The following CCDC171 variants were observed in gnomAD, a reference collection of about 807,000 sequenced individuals.
CCDC171 encodes the protein coiled-coil domain-containing protein 171.
Under a neutral mutation model 168.2 loss-of-function variants are expected in CCDC171, and 177 were observed. The ratio of observed to expected loss-of-function variants is 1.05; its 90% CI spans 0.93 to 1.19. CCDC171 has a LOEUF of 1.19. CCDC171 is among the 50% of genes most tolerant of loss of function. The probability of loss-of-function intolerance (pLI) is 0.00; values close to 1 mark genes in which losing one functional copy is unlikely to be tolerated. For missense variants in CCDC171, 1,991 were observed against 1,539.0 expected (o/e 1.29, Z -4.91); for synonymous variants, 687 against 540.8 (o/e 1.27, Z -3.75).
chr9:16,042,952 A>T (rs1833596661), intron 1 of CCDC171: 1 of 152,160 alleles, frequency 6.6e-6, no homozygotes, highest in South Asian at 2.1e-4. Context: ...ATCAAGGATC[A>T]TTTGAGATGA....
At chr9:15,627,787 A>G (rs1048191356) in intron 7 of CCDC171, among the ~76,000 whole-genome samples, 3 of 152,178 alleles carry the variant, frequency 2.0e-5, no homozygotes, top group Non-Finnish European at 4.4e-5. Flanking sequence ...AGAAGAATGT[A>G]TATTCTGTTG....
At chr9:15,975,886 G>C (rs193288007), downstream of CCDC171, among the ~76,000 whole-genome samples, 6 of 152,294 alleles carry the variant, frequency 3.9e-5, no homozygotes, top group East Asian at 1.9e-4. Flanking sequence ...AGGATCTTGA[G>C]ATCAGGAGAT....
chr9:15,732,634 T>A (rs1201600687), intron 16 of CCDC171, among the ~76,000 whole-genome samples: 1 of 152,176 alleles, frequency 6.6e-6, no homozygotes, highest in Middle Eastern at 3.2e-3. Flanking sequence ...AGTTAATTCC[T>A]TTTTACTGCT....
At chr9:16,074,018 G>T in the CCDC171 span, among the ~76,000 whole-genome samples, 2 of 152,102 alleles carry the variant, frequency 1.3e-5, no homozygotes, top group African/African-American at 4.8e-5. Flanking sequence ...AGTGCAAACT[G>T]CTTATCTTTT....
At chr9:15,759,397 A>G (rs1244452584) in intron 18 of CCDC171, among the ~76,000 whole-genome samples, 2 of 152,184 alleles carry the variant, frequency 1.3e-5, no homozygotes, top group Non-Finnish European at 2.9e-5. Context: ...ATTCTCCTGT[A>G]TAACCAGAAT....
chr9:15,964,544 C>G (rs1020331050), intron 25 of CCDC171, among the ~76,000 whole-genome samples: 10 of 152,070 alleles, frequency 6.6e-5, no homozygotes, highest in Middle Eastern at 3.2e-3. Context: ...TCAGGATTGT[C>G]AGGTCAGCAA....
intron 25 of CCDC171, among the ~76,000 whole-genome samples, chr9:15,947,486 C>G (rs1828547342): frequency 6.6e-6 from 1 of 151,968 alleles, no homozygotes; most frequent in African/African-American, 2.4e-5. Context: ...TTTCACTTAG[C>G]ATAATGTCCT....
chr9:16,033,116 A>C (rs1273973715), intron 6 of CCDC171, among the ~76,000 whole-genome samples: 2 of 152,194 alleles, frequency 1.3e-5, no homozygotes, highest in Non-Finnish European at 2.9e-5. Flanking sequence ...ACCAGTGTCC[A>C]CTGTACAGGG....
intron 21 of CCDC171, among the ~76,000 whole-genome samples, chr9:15,824,011 C>T (rs1300346719): frequency 1.3e-5 from 2 of 152,076 alleles, no homozygotes; most frequent in African/African-American, 4.8e-5. Flanking sequence ...ATCTGATTTT[C>T]CCCTATCAAG....
At chr9:15,905,925 G>T (rs1172885060) in intron 24 of CCDC171, among the ~76,000 whole-genome samples, 1 of 152,164 alleles carries the variant, frequency 6.6e-6, no homozygotes, top group Non-Finnish European at 1.5e-5. Context: ...AAATCTAGAA[G>T]AAATGGATGA....
chr9:15,579,698 A>G (rs2040962380), intron 4 of CCDC171, among the ~76,000 whole-genome samples: 1 of 151,972 alleles, frequency 6.6e-6, no homozygotes, highest in African/African-American at 2.4e-5. Context: ...TAATTTTGCC[A>G]CTTTTTTGTA....
upstream of CCDC171, among the ~76,000 whole-genome samples, chr9:16,040,606 G>T (rs1369918597): frequency 6.6e-6 from 1 of 152,258 alleles, no homozygotes. Context: ...CAGTTGTAAA[G>T]TGCAGGAGCT....
the CCDC171 span, among the ~76,000 whole-genome samples, chr9:16,071,566 A>C: frequency 6.6e-6 from 1 of 152,170 alleles, no homozygotes; most frequent in South Asian, 2.1e-4. Flanking sequence ...TGGAGAATAC[A>C]TTCCCACATG....
rs2054851419 is a variant in CCDC171 at position 15,741,121 on chromosome 9, T to C, written c.2050-3152T>C. Among the ~76,000 whole-genome samples the C allele has an allele frequency of 3.3e-5, 5 of 152,324 alleles. No homozygotes were observed. The South Asian group carries it at 1.0e-3, about 32-fold the overall frequency. On this transcript the variant is annotated intron_variant, in intron 16 of 25. Coordinates refer to ENST00000380701, the MANE Select transcript of CCDC171 (RefSeq NM_173550.4). ...TATTAAGGATATTGATATTTTAAATTGTGGTAAAATATGCATGACATAACA... is the reference window on the plus strand; with the variant it reads ...TATTAAGGATATTGATATTTTAAATCGTGGTAAAATATGCATGACATAACA...
chr9:15,957,995 A>G (rs187042575), intron 25 of CCDC171, among the ~76,000 whole-genome samples: 1 of 152,324 alleles, frequency 6.6e-6, no homozygotes, highest in Admixed American at 6.5e-5. Context: ...GGAATTAAAG[A>G]AAATGAAGTT....
At chr9:15,590,833 CTTCTTCT>C in intron 4 of CCDC171, among the ~76,000 whole-genome samples, 1 of 88,716 alleles carries the variant, frequency 1.1e-5, no homozygotes, top group African/African-American at 4.7e-5. Context: ...TTCTTTCTTT[CTTCTTCT>C]TTCTTTCTTT....
intron 3 of CCDC171, among the ~76,000 whole-genome samples, chr9:16,016,190 G>A (rs950157320): frequency 1.3e-5 from 2 of 152,118 alleles, no homozygotes; most frequent in African/African-American, 4.8e-5. Context: ...CTGCCATACT[G>A]TTTTCCACAG....
intron 16 of CCDC171, among the ~76,000 whole-genome samples, chr9:15,742,238 T>A (rs1043291024): frequency 6.6e-6 from 1 of 152,200 alleles, no homozygotes; most frequent in Non-Finnish European, 1.5e-5. Context: ...ATCCCTTTAC[T>A]AAGAATAGGG....
At chr9:15,967,255 G>A (rs1830893758) in intron 25 of CCDC171, among the ~76,000 whole-genome samples, 1 of 152,116 alleles carries the variant, frequency 6.6e-6, no homozygotes, top group South Asian at 2.1e-4. Context: ...CCCTCTTGTG[G>A]GTGCTTTGAT....
Sources: allele counts gnomAD v4.1 joint callset (sites outside exome capture counted in the v4.1 genomes callset), GRCh38; gene constraint gnomAD v4.1.1; transcripts MANE v1.5; gene names NCBI Gene and HGNC (gene_info 2026-07-23, HGNC 2026-07-21).